SNX2: variants seen among roughly 807,000 people sequenced by gnomAD.
SNX2 encodes the protein sorting nexin-2.
A neutral mutation model predicts 69.9 loss-of-function variants in SNX2; 25 were observed. The ratio of observed to expected loss-of-function variants is 0.36; its 90% CI spans 0.26 to 0.50. SNX2 has a LOEUF of 0.50. SNX2 is among the 20% of genes least tolerant of loss of function. The pLI is 0.97. For missense variants in SNX2, 551 were observed against 613.3 expected, an observed-to-expected ratio of 0.90 and a Z score of 1.07; for synonymous variants, 229 against 200.4, an observed-to-expected ratio of 1.14 and a Z score of -1.20.
intron 7 of SNX2, among the ~76,000 whole-genome samples, chr5:122,810,646 T>TA (rs1439166681): frequency 6.6e-6 from 1 of 152,194 alleles, no homozygotes; most frequent in Non-Finnish European, 1.5e-5. Flanking sequence ...GCATAGTACT[T>TA]ACCATACCTT....
intron 1 of SNX2, among the ~76,000 whole-genome samples, chr5:122,787,521 C>G (rs112756660): frequency 7.3e-5 from 11 of 151,412 alleles, no homozygotes; most frequent in Admixed American, 2.6e-4. Context: ...CTGTCCCCCC[C>G]CAAAAAAAAA....
intron 6 of SNX2, among the ~76,000 whole-genome samples, chr5:122,807,913 T>C (rs897627128): frequency 6.6e-6 from 1 of 152,222 alleles, no homozygotes; most frequent in African/African-American, 2.4e-5. Context: ...CTTAAATTTA[T>C]TGATTTGAAA....
intron 1 of SNX2, among the ~76,000 whole-genome samples, chr5:122,778,548 A>G (rs1425095170): frequency 6.6e-6 from 1 of 151,990 alleles, no homozygotes; most frequent in African/African-American, 2.4e-5. Context: ...TCGCTCTGTC[A>G]CCCAGGGTGG....
In SNX2 at chr5:122,816,986, C is replaced by A; in HGVS notation, c.870C>A (p.Asp290Glu). 8.7e-6 allele frequency: 14 copies of A among 1,613,770 alleles called. No individual in the cohort carries two copies. Among genetic ancestry groups the A allele is most frequent in the Non-Finnish European group, 1.2e-5 (14 of 1,179,810 alleles). ...GILRMVNKAA[D>E]AVNKMTIKMN... ...TGAGGATGGTGAACAAGGCTGCCGA[C>A]GCTGTCAACAAAATGACAATCAAGA... Residue 290 changes from aspartate to glutamate, a missense_variant, in exon 9 of 15, where the codon GAC (aspartate) becomes GAA (glutamate). Coordinates refer to ENST00000379516, the MANE Select transcript of SNX2 (RefSeq NM_003100.4).
At chr5:122,799,980 T>C (rs1753473159) in intron 3 of SNX2, 125 bp downstream of exon 3, 1 of 677,414 alleles carries the variant, frequency 1.5e-6, no homozygotes. Flanking sequence ...AATATTGGAC[T>C]AAATTAGTTA....
chr5:122,792,629 A>G (rs1168692457), intron 1 of SNX2, among the ~76,000 whole-genome samples: 2 of 152,086 alleles, frequency 1.3e-5, no homozygotes, highest in African/African-American at 4.8e-5. Context: ...TAGTAACTAT[A>G]CAAGAAAATA....
chr5:122,777,030 A>G (rs1196503563), intron 1 of SNX2, among the ~76,000 whole-genome samples: 1 of 152,162 alleles, frequency 6.6e-6, no homozygotes, highest in Non-Finnish European at 1.5e-5. Flanking sequence ...TGAGATTTGT[A>G]AAGTCAGATT....
rs778703483 is a variant in SNX2, at chr5:122,808,372, A to G, written c.722+17A>G. On this transcript the variant is annotated intron_variant, in intron 7 of 14. Transcript: ENST00000379516. ...TCTTGAAAGGTAATTCTAGACAGCTATATTTTATTACTCTCATGTTTGTAC... is the reference window on the plus strand; with the variant it reads ...TCTTGAAAGGTAATTCTAGACAGCTGTATTTTATTACTCTCATGTTTGTAC... 9 of 1,524,254 alleles carry G rather than the reference A, an allele frequency of 5.9e-6. No homozygotes were observed. The highest frequency in any genetic ancestry group is 1.2e-5 in the South Asian group (1 of 86,758). 94.4% of individuals were successfully genotyped at this position (1,524,254 alleles called of 1,614,324 possible).
At chr5:122,814,910 C>T (rs562337272) in intron 7 of SNX2, among the ~76,000 whole-genome samples, 60 of 151,438 alleles carry the variant, frequency 4.0e-4, no homozygotes, top group African/African-American at 1.2e-3. Context: ...CCACTGCGCC[C>T]GGCTAATTTT....
intron 11 of SNX2, among the ~76,000 whole-genome samples, chr5:122,822,134 G>A (rs1207944471): frequency 6.6e-6 from 1 of 151,738 alleles, no homozygotes; most frequent in Non-Finnish European, 1.5e-5. Flanking sequence ...TTGCTTTGTC[G>A]CCAGGCTAGA....
intron 11 of SNX2, among the ~76,000 whole-genome samples, chr5:122,822,814 C>T (rs1396323369): frequency 1.3e-5 from 2 of 152,114 alleles, no homozygotes; most frequent in African/African-American, 2.4e-5. Flanking sequence ...GTTTTTAGCA[C>T]TAGAACTCTT....
intron 1 of SNX2, among the ~76,000 whole-genome samples, chr5:122,777,455 A>G (rs1216499201): frequency 2.6e-5 from 4 of 152,246 alleles, no homozygotes; most frequent in Non-Finnish European, 1.5e-5. Flanking sequence ...AAGAAAATAT[A>G]TACTACTTAA....
intron 11 of SNX2, among the ~76,000 whole-genome samples, chr5:122,819,998 TC>T (rs796779380): frequency 2.1e-4 from 32 of 152,352 alleles, no homozygotes; most frequent in African/African-American, 7.0e-4. Context: ...TTTTAAATGT[TC>T]CTAATGCTGT....
Position 122,831,526 on chromosome 5 carries a change from C to CAA in SNX2, c.*1881_*1882dup, listed in dbSNP as rs927585157. Reference sequence around the variant, plus strand: ...GACTTGATGAGTTGAACAGGGAAAACAAAAGTTTGCTCTTCTAAAAAGAAA... The same window carrying CAA: ...GACTTGATGAGTTGAACAGGGAAAACAAAAAAGTTTGCTCTTCTAAAAAGAAA... On this transcript the variant is annotated 3_prime_UTR_variant, in exon 15 of 15. Coordinates refer to ENST00000379516, the MANE Select transcript of SNX2 (RefSeq NM_003100.4). Among the ~76,000 whole-genome samples the CAA allele has an allele frequency of 6.6e-6, 1 of 152,088 alleles. No individual in the cohort carries two copies. Among genetic ancestry groups the CAA allele is most frequent in the Admixed American group, 6.5e-5 (1 of 15,274 alleles).
intron 1 of SNX2, among the ~76,000 whole-genome samples, chr5:122,782,540 A>G (rs1319369619): frequency 6.8e-6 from 1 of 147,990 alleles, no homozygotes; most frequent in Non-Finnish European, 1.5e-5. Flanking sequence ...CGCCCGGCCT[A>G]TTTTATTTTA....
In SNX2 at chr5:122,782,184, C is replaced by T. The variant is rs149269967; in HGVS notation, c.108+6973C>T. On this transcript the variant is annotated intron_variant, in intron 1 of 14. Transcript: ENST00000379516. ...GCTGAGTATCTTTTTATGTACATAC[C>T]ATCTGAATATTATCTTTTTTGGTTA... is the stretch of plus-strand genomic sequence containing the variant. 2.2e-3 allele frequency among the ~76,000 whole-genome samples: 329 copies of T among 152,174 alleles called. 1 individual carries two copies. Among genetic ancestry groups the T allele is most frequent in the African/African-American group, 7.7e-3 (321 of 41,522 alleles).
intron 6 of SNX2, among the ~76,000 whole-genome samples, chr5:122,806,142 G>GCGCACGCGCACACACACACA: frequency 0.02 from 2,592 of 130,586 alleles, 85 homozygotes; most frequent in African/African-American, 0.062. Context: ...ACACGCGCGC[G>GCGCACGCGCACACACACACA]CACACACACA....
intron 14 of SNX2, among the ~76,000 whole-genome samples, chr5:122,829,108 ACT>A (rs1754223061): frequency 6.6e-6 from 1 of 151,982 alleles, no homozygotes; most frequent in African/African-American, 2.4e-5. Context: ...TAAGAGTGAA[ACT>A]CCACCTCAAG....
At chr5:122,775,424 G>A in intron 1 of SNX2, 1 of 1,266,342 alleles carries the variant, frequency 7.9e-7, no homozygotes, top group Non-Finnish European at 1.0e-6. Context: ...GCCCGCGGGT[G>A]CCGACCTAAT....
Sources: gnomAD v4.1 joint callset for allele counts (sites outside exome capture counted in the v4.1 genomes callset) on GRCh38, gnomAD v4.1.1 for gene constraint, MANE v1.5 for transcripts, NCBI Gene and HGNC (gene_info 2026-07-23, HGNC 2026-07-21) for gene names.